Variants in ZBTB10 observed in about 807,000 individuals in gnomAD.
The protein encoded by ZBTB10 is zinc finger and BTB domain containing 10.
A neutral mutation model predicts 76.4 loss-of-function variants in ZBTB10; 32 were observed. The observed-to-expected ratio is 0.42, with a 90% CI of 0.32 to 0.56. ZBTB10 has a LOEUF of 0.56. Ranked by LOEUF, ZBTB10 falls within the 20% of genes least tolerant of loss-of-function variation. ZBTB10 has a pLI of 0.14. For synonymous variants in ZBTB10, 523 were observed against 432.9 expected, an observed-to-expected ratio of 1.21 and a Z score of -2.58; for missense variants, 1,057 against 1,098.5, an observed-to-expected ratio of 0.96 and a Z score of 0.53.
rs1816532528 is a variant in ZBTB10 at position 80,525,059 on chromosome 8, G to T, written c.*5531G>T. ...ACGAAGGATGTTTTGACACTAAAAA[G>T]GACATAATTTAGGAAATTAAGAATT... On this transcript the variant is annotated 3_prime_UTR_variant, in exon 6 of 6. Coordinates refer to ENST00000455036, the MANE Select transcript of ZBTB10 (RefSeq NM_001105539.3). 6.6e-6 allele frequency: 1 copy of T among 151,992 alleles called. No individual in the cohort carries two copies. 9.4% of individuals were successfully genotyped at this position (151,992 alleles called of 1,614,324 possible). A position where few individuals can be genotyped will look rare whatever the true frequency, so the allele number is the denominator to read the frequency against.
rs780753785 is a variant in ZBTB10 at position 80,524,733 on chromosome 8, CTT to C, written c.*5207_*5208del. 1.3e-5 allele frequency: 2 copies of C among 152,000 alleles called. No homozygotes were observed. Among genetic ancestry groups the C allele is most frequent in the Non-Finnish European group, 2.9e-5 (2 of 67,952 alleles). 9.4% of individuals were successfully genotyped at this position (152,000 alleles called of 1,614,324 possible). ...ATCATGAGGCAGAAGAATTAAGAAA[CTT>C]TATATGTTTCTAAGGGGTCATGATT... On this transcript the variant is annotated 3_prime_UTR_variant, in exon 6 of 6. Transcript: ENST00000455036.
chr8:80,491,650 T>G (rs1277780939), intron 1 of ZBTB10, among the ~76,000 whole-genome samples: 1 of 152,214 alleles, frequency 6.6e-6, no homozygotes, highest in African/African-American at 2.4e-5. Context: ...GAGGGACAAT[T>G]AATAGTTTAA....
chr8:80,519,191 C>T, intron 5 of ZBTB10, 32 bp from the exon 6 acceptor site: 1 of 1,587,642 alleles, frequency 6.3e-7, no homozygotes. Flanking sequence ...TATATAATAT[C>T]CTTATATTGG....
rs751894693 is a variant in ZBTB10 at position 80,487,098 on chromosome 8, C to A, written c.288C>A (p.Leu96=). Residue 96 remains leucine, a synonymous_variant, in exon 1 of 6, where the codon CTC becomes CTA. Transcript: ENST00000455036. ...CCGAGGAAGCCAAGGAGTTGCTGCT[C>A]CCCCAAGACGCGGGCGGCCCCACCT... The part of the protein sequence containing the change: ...GAAEEAKELL[L]PQDAGGPTSL... 1.3e-6 allele frequency: 2 copies of A among 1,518,980 alleles called. No homozygotes were observed. The highest frequency in any genetic ancestry group is 1.8e-6 in the Non-Finnish European group (2 of 1,139,330). 94.1% of individuals were successfully genotyped at this position (1,518,980 alleles called of 1,614,324 possible). A position where few individuals can be genotyped will look rare whatever the true frequency, so the allele number is the denominator to read the frequency against.
chr8:80,487,221 CAGT>C lies in ZBTB10; in HGVS notation c.414_416del (p.Ser139del). ...GCGGCGGGGGTCTCGGCAACAATGG[CAGT>C]AGCCGCGGCCGCCCCGAGACCTCGG... On this transcript the variant is annotated inframe_deletion, in exon 1 of 6. Coordinates refer to ENST00000455036, the MANE Select transcript of ZBTB10 (RefSeq NM_001105539.3). The C allele has an allele frequency of 6.5e-7, 1 of 1,546,764 alleles. No individual in the cohort carries two copies. Among genetic ancestry groups the C allele is most frequent in the Non-Finnish European group, 8.7e-7 (1 of 1,148,348 alleles).
chr8:80,500,316 T>G lies in ZBTB10; in HGVS notation c.1795T>G (p.Cys599Gly). Reference sequence around the variant, plus strand: ...TAATAATGAAACGAATTTAGAAGATTGCTCAGTAATGCAGCCACCTGTTGC... The same window carrying G: ...TAATAATGAAACGAATTTAGAAGATGGCTCAGTAATGCAGCCACCTGTTGC... ...PPNNETNLED[C>G]SVMQPPVAYP... The change falls in exon 2 of 6, where the codon TGC becomes GGC. Residue 599 changes from cysteine (C) to glycine (G), a missense_variant. Cys to Gly is a radical substitution (Grantham distance 159, BLOSUM62 -3). This residue lies in a region of ZBTB10 where 306 missense variants were observed against 297.5 expected (regional missense o/e 1.03). Transcript: ENST00000455036. 3 of 1,584,504 alleles carry G rather than the reference T, an allele frequency of 1.9e-6. No individual in the cohort carries two copies. Among genetic ancestry groups the G allele is most frequent in the Non-Finnish European group, 2.6e-6 (3 of 1,164,618 alleles).
rs10093068 is a variant in ZBTB10, at chr8:80,519,415, G to A, written c.2503G>A (p.Glu835Lys). The A allele has an allele frequency of 2.5e-6, 4 of 1,612,602 alleles. No homozygotes were observed. Among genetic ancestry groups the A allele is most frequent in the South Asian group, 1.1e-5 (1 of 90,768 alleles). Residue 835 changes from glutamate (E) to lysine (K), a missense_variant, in exon 6 of 6, where the codon GAG becomes AAG. Transcript: ENST00000455036. Reference sequence around the variant, plus strand: ...AGAATTCCCTCGGGATGAAGAATACGAGGAGAATGAAGTAGGAGAAGCTGA... The same window carrying A: ...AGAATTCCCTCGGGATGAAGAATACAAGGAGAATGAAGTAGGAGAAGCTGA... Reference protein sequence around the residue: ...DTEFPRDEEYEENEVGEADEE... With the variant: ...DTEFPRDEEYKENEVGEADEE...
intron 1 of ZBTB10, among the ~76,000 whole-genome samples, chr8:80,491,576 A>G (rs1414846479): frequency 6.6e-6 from 1 of 152,058 alleles, no homozygotes; most frequent in Non-Finnish European, 1.5e-5. Context: ...CTTTTAAAAC[A>G]TGCTTTCTGA....
rs1274829673 is a variant in ZBTB10, at chr8:80,486,733, C to CCGCGGGGAGCG, written c.-71_-61dup. 5.9e-6 allele frequency: 6 copies of CCGCGGGGAGCG among 1,009,684 alleles called. No individual in the cohort carries two copies. The highest frequency in any genetic ancestry group is 7.1e-6 in the Non-Finnish European group (6 of 846,754). 62.5% of individuals were successfully genotyped at this position (1,009,684 alleles called of 1,614,324 possible). ...GGGCGGGGGCGAGACAGAGGGGGAG[C>CCGCGGGGAGCG]CGCGGGGAGCGCGCGGGACGCGGCC... On this transcript the variant is annotated 5_prime_UTR_variant, in exon 1 of 6. Transcript: ENST00000455036.
rs1816513028 is a variant in ZBTB10 at position 80,524,562 on chromosome 8, A to T, written c.*5034A>T. 6.6e-6 allele frequency: 1 copy of T among 152,094 alleles called. No homozygotes were observed. The highest frequency in any genetic ancestry group is 6.6e-5 in the Admixed American group (1 of 15,254). The allele number at this position is 152,094 out of a possible 1,614,324, so 9.4% of individuals were successfully genotyped here. ...TTTTTAGGTTATTTCAAAGTTAGTA[A>T]TAGAGCAAAGGAAATCAGAACTGGC... is the stretch of plus-strand genomic sequence containing the variant. On this transcript the variant is annotated 3_prime_UTR_variant, in exon 6 of 6. Coordinates refer to ENST00000455036, the MANE Select transcript of ZBTB10 (RefSeq NM_001105539.3).
At chr8:80,485,741 A>G, upstream of ZBTB10, 1 of 1,515,538 alleles carries the variant, frequency 6.6e-7, no homozygotes, top group Non-Finnish European at 8.8e-7. Flanking sequence ...TGAAGGAACA[A>G]AATAAGTTCA....
rs1486129663 is a variant in ZBTB10, at chr8:80,500,087, T to G, written c.1566T>G (p.Asn522Lys). The G allele has an allele frequency of 1.5e-5, 24 of 1,613,952 alleles. No homozygotes were observed. The highest frequency in any genetic ancestry group is 2.0e-5 in the Non-Finnish European group (24 of 1,179,876). Residue 522 changes from asparagine (N) to lysine (K), a missense_variant, in exon 2 of 6, where the codon AAT becomes AAG. Coordinates refer to ENST00000455036, the MANE Select transcript of ZBTB10 (RefSeq NM_001105539.3). Reference protein sequence around the residue: ...SNVKIENDGCNVDEGQIENYQ... With the variant: ...SNVKIENDGCKVDEGQIENYQ... ...TAAAGATTGAAAATGATGGTTGTAATGTCGACGAGGGCCAAATAGAAAACT... is the reference window on the plus strand; with the variant it reads ...TAAAGATTGAAAATGATGGTTGTAAGGTCGACGAGGGCCAAATAGAAAACT...
At chr8:80,495,170 A>G (rs1488433180) in intron 1 of ZBTB10, among the ~76,000 whole-genome samples, 1 of 148,738 alleles carries the variant, frequency 6.7e-6, no homozygotes, top group Non-Finnish European at 1.5e-5. Flanking sequence ...GGGTTTCTCT[A>G]TGTTGACTGG....
At chr8:80,505,383 C>T (rs1207163514) in intron 2 of ZBTB10, among the ~76,000 whole-genome samples, 2 of 151,978 alleles carry the variant, frequency 1.3e-5, no homozygotes, top group East Asian at 3.9e-4. Flanking sequence ...ATGCAGCAGT[C>T]GATTATTATA....
chr8:80,515,429 T>C (rs1375493995), intron 3 of ZBTB10, among the ~76,000 whole-genome samples: 1 of 152,180 alleles, frequency 6.6e-6, no homozygotes, highest in Non-Finnish European at 1.5e-5. Flanking sequence ...CTAAAGAAAC[T>C]GCCTTAAGGT....
intron 2 of ZBTB10, among the ~76,000 whole-genome samples, chr8:80,504,016 A>C (rs776534767): frequency 6.6e-6 from 1 of 152,196 alleles, no homozygotes; most frequent in Non-Finnish European, 1.5e-5. Context: ...ACCAACGTTA[A>C]GGCCTTCCCA....
intron 1 of ZBTB10, among the ~76,000 whole-genome samples, chr8:80,492,224 G>A (rs1815649332): frequency 6.6e-6 from 1 of 152,178 alleles, no homozygotes; most frequent in Admixed American, 6.5e-5. Context: ...GTAACAGCTA[G>A]TTCATAGCCC....
upstream of ZBTB10, chr8:80,486,084 C>T (rs1815439452): frequency 9.9e-7 from 1 of 1,007,102 alleles, no homozygotes; most frequent in Non-Finnish European, 1.3e-6. Flanking sequence ...GCAGCCCAGC[C>T]CCTTTCCCGG....
chr8:80,500,464 A>T, intron 2 of ZBTB10, 82 bp downstream of exon 2: 1 of 1,322,574 alleles, frequency 7.6e-7, no homozygotes, highest in South Asian at 1.8e-5. Context: ...TTTTAATTGA[A>T]TTATTTTAGT....
Sources: gnomAD v4.1 joint callset for allele counts (sites outside exome capture counted in the v4.1 genomes callset) on GRCh38, gnomAD v4.1.1 for gene constraint, gnomAD v4.1.1 regional missense constraint, MANE v1.5 for transcripts, NCBI Gene and HGNC (gene_info 2026-07-23, HGNC 2026-07-21) for gene names.